Variants in FAT3 observed in about 807,000 individuals in gnomAD.
FAT3 encodes FAT atypical cadherin 3, also known as protocadherin Fat 3.
A neutral mutation model predicts 310.2 loss-of-function variants in FAT3; 95 were observed. The ratio of observed to expected loss-of-function variants is 0.31; its 90% CI spans 0.26 to 0.36. FAT3 has a LOEUF of 0.36. Among genes scored for constraint, FAT3 ranks in the 10% least tolerant of loss-of-function variants. The pLI is 1.00. For missense variants in FAT3, 5,408 were observed against 5,715.6 expected (o/e 0.95, Z 1.74); for synonymous variants, 2,314 against 2,192.9 (o/e 1.06, Z -1.54).
chr11:92,262,647 A>T (rs549310524), intron 1 of FAT3, among the ~76,000 whole-genome samples: 1 of 152,264 alleles, frequency 6.6e-6, no homozygotes, highest in South Asian at 2.1e-4. Flanking sequence ...TTAGTAATTT[A>T]CAGAAAGAAA....
intron 3 of FAT3, among the ~76,000 whole-genome samples, chr11:92,696,813 G>A (rs1475466586): frequency 2.0e-5 from 3 of 152,128 alleles, no homozygotes; most frequent in African/African-American, 4.8e-5. Context: ...AACTTGTTTT[G>A]TATAAAGATT....
At chr11:92,390,662 C>T (rs763211389) in intron 2 of FAT3, among the ~76,000 whole-genome samples, 2 of 152,078 alleles carry the variant, frequency 1.3e-5, no homozygotes, top group Non-Finnish European at 2.9e-5. Flanking sequence ...GATTGCCCTG[C>T]AAGGAAAACC....
chr11:92,616,263 G>C (rs1036534289), intron 3 of FAT3, among the ~76,000 whole-genome samples: 5 of 151,976 alleles, frequency 3.3e-5, no homozygotes, highest in African/African-American at 1.2e-4. Flanking sequence ...ATCTTTGTTG[G>C]TTTAAAGTTT....
chr11:92,793,070 A>C, intron 9 of FAT3, 93 bp downstream of exon 9: 1 of 1,323,862 alleles, frequency 7.6e-7, no homozygotes, highest in Non-Finnish European at 1.0e-6. Context: ...GATCATTAAC[A>C]GTGGAACATC....
intron 3 of FAT3, among the ~76,000 whole-genome samples, chr11:92,687,288 G>A (rs1943661508): frequency 1.3e-5 from 2 of 152,178 alleles, no homozygotes; most frequent in South Asian, 4.1e-4. Context: ...ACTGCGATCA[G>A]AGAAGTTATG....
intron 1 of FAT3, among the ~76,000 whole-genome samples, chr11:92,291,102 C>CACACACACAA (rs1421061276): frequency 6.6e-6 from 1 of 151,682 alleles, no homozygotes; most frequent in Non-Finnish European, 1.5e-5. Flanking sequence ...CACACACACA[C>CACACACACAA]ACACACACAC....
intron 4 of FAT3, among the ~76,000 whole-genome samples, chr11:92,736,021 G>T (rs567068972): frequency 6.6e-6 from 1 of 152,248 alleles, no homozygotes; most frequent in Admixed American, 6.5e-5. Flanking sequence ...GCATTCTTAT[G>T]GCAAACCTGT....
intron 1 of FAT3, among the ~76,000 whole-genome samples, chr11:92,289,922 C>T (rs1946650193): frequency 6.6e-6 from 1 of 152,232 alleles, no homozygotes; most frequent in East Asian, 1.9e-4. Context: ...TGAGAGTAAA[C>T]TTTGCAAAGA....
chr11:92,554,639 G>A (rs9666404), intron 3 of FAT3, among the ~76,000 whole-genome samples: 3 of 151,904 alleles, frequency 2.0e-5, no homozygotes, highest in Admixed American at 1.3e-4. Flanking sequence ...TACCAATTTT[G>A]ATCTCACTTC....
chr11:92,627,392 CCT>C (rs1170000332), intron 3 of FAT3, among the ~76,000 whole-genome samples: 15 of 152,116 alleles, frequency 9.9e-5, no homozygotes, highest in Admixed American at 2.0e-4. Context: ...GCAGCTGCCT[CCT>C]CTGAAGTTCT....
At chr11:92,365,604 T>C (rs1948997704) in intron 2 of FAT3, among the ~76,000 whole-genome samples, 2 of 152,208 alleles carry the variant, frequency 1.3e-5, no homozygotes, top group African/African-American at 2.4e-5. Context: ...TTTATTATAC[T>C]GATCTGGAAA....
At chr11:92,489,433 G>C (rs1952534626) in intron 2 of FAT3, among the ~76,000 whole-genome samples, 1 of 152,054 alleles carries the variant, frequency 6.6e-6, no homozygotes, top group Non-Finnish European at 1.5e-5. Context: ...CTTTCGCCCT[G>C]CTCTTCACTC....
intron 3 of FAT3, among the ~76,000 whole-genome samples, chr11:92,583,366 C>T (rs1938923359): frequency 6.6e-6 from 1 of 151,968 alleles, no homozygotes; most frequent in Non-Finnish European, 1.5e-5. Context: ...TGGTGGAAAG[C>T]TTTGCATCAT....
rs1955497203 is a variant in FAT3, at chr11:92,567,361, G to A, written c.3607+42413G>A. 3.3e-5 allele frequency among the ~76,000 whole-genome samples: 5 copies of A among 150,550 alleles called. No individual in the cohort carries two copies. The Admixed American group carries it at 3.3e-4, about 10-fold the overall frequency. ...ATACCATCTCACACCAGTTAGAATG[G>A]CAATCATTAAAAAGTCAGGAATCAA... On this transcript the variant is annotated intron_variant, in intron 3 of 27. Transcript: ENST00000525166.
chr11:92,540,803 A>C (rs1954425226), intron 3 of FAT3, among the ~76,000 whole-genome samples: 3 of 151,846 alleles, frequency 2.0e-5, no homozygotes, highest in Admixed American at 1.3e-4. Context: ...CCCAGTTGCT[A>C]AGCTTTCCAT....
chr11:92,708,976 TC>T (rs1944441600), intron 4 of FAT3, among the ~76,000 whole-genome samples: 1 of 152,188 alleles, frequency 6.6e-6, no homozygotes, highest in Admixed American at 6.5e-5. Flanking sequence ...CCACAGTCTT[TC>T]CCTCTGGCTT....
intron 19 of FAT3, among the ~76,000 whole-genome samples, chr11:92,847,947 G>A (rs143778576): frequency 1.4e-4 from 21 of 151,802 alleles, no homozygotes; most frequent in African/African-American, 5.1e-4. Flanking sequence ...ACACAGACGT[G>A]CACCCACAGG....
At chr11:92,572,472 G>T (rs1051331229) in intron 3 of FAT3, among the ~76,000 whole-genome samples, 8 of 152,168 alleles carry the variant, frequency 5.3e-5, no homozygotes, top group African/African-American at 1.7e-4. Context: ...AAAGAATGCT[G>T]TTCTCTGTGC....
chr11:92,376,352 G>A (rs73548412), intron 2 of FAT3, among the ~76,000 whole-genome samples: 1 of 152,170 alleles, frequency 6.6e-6, no homozygotes, highest in Non-Finnish European at 1.5e-5. Flanking sequence ...TAAATTGTTT[G>A]CTTTGTCTGA....
Sources: gnomAD v4.1 joint callset for allele counts (sites outside exome capture counted in the v4.1 genomes callset) on GRCh38, gnomAD v4.1.1 for gene constraint, MANE v1.5 for transcripts, NCBI Gene and HGNC (gene_info 2026-07-23, HGNC 2026-07-21) for gene names.